The following GABRB1 variants were observed in gnomAD, a reference collection of about 807,000 sequenced individuals.
The protein encoded by GABRB1 is gamma-aminobutyric acid receptor subunit beta-1.
Under a neutral mutation model 51.6 loss-of-function variants are expected in GABRB1, and 17 were observed. The ratio of observed to expected loss-of-function variants is 0.33; its 90% CI spans 0.23 to 0.49. The LOEUF (loss-of-function observed/expected upper bound fraction) is 0.49. GABRB1 is among the 20% of genes least tolerant of loss of function. GABRB1 has a pLI of 0.99. For missense variants in GABRB1, 410 were observed against 600.6 expected, an observed-to-expected ratio of 0.68 and a Z score of 3.32; for synonymous variants, 247 against 218.9, an observed-to-expected ratio of 1.13 and a Z score of -1.14.
chr4:47,001,046 A>G (rs1193224798), intron 1 of GABRB1, among the ~76,000 whole-genome samples: 1 of 152,230 alleles, frequency 6.6e-6, no homozygotes, highest in Non-Finnish European at 1.5e-5. Flanking sequence ...AGCATTTTAT[A>G]AGAATGGTGT....
chr4:47,401,175 A>G (rs1728371501), intron 5 of GABRB1, among the ~76,000 whole-genome samples: 1 of 152,278 alleles, frequency 6.6e-6, no homozygotes, highest in East Asian at 1.9e-4. Flanking sequence ...AGTCTTTTAT[A>G]TATAATGACT....
At chr4:47,267,668 G>A (rs1052786343) in intron 4 of GABRB1, among the ~76,000 whole-genome samples, 11 of 151,996 alleles carry the variant, frequency 7.2e-5, no homozygotes, top group African/African-American at 9.7e-5. Flanking sequence ...GGTGGCAGGC[G>A]GCTGTAATCT....
intron 3 of GABRB1, among the ~76,000 whole-genome samples, chr4:47,063,602 T>C (rs546742070): frequency 6.6e-6 from 1 of 152,146 alleles, no homozygotes; most frequent in South Asian, 2.1e-4. Context: ...GAGAGCATGA[T>C]GAAGGTAGAA....
intron 5 of GABRB1, among the ~76,000 whole-genome samples, chr4:47,324,932 C>G (rs926285769): frequency 6.6e-6 from 1 of 152,324 alleles, no homozygotes; most frequent in African/African-American, 2.4e-5. Context: ...ATCATCTATT[C>G]TACTTGCAAA....
chr4:47,139,759 T>C (rs1356622850), intron 3 of GABRB1, among the ~76,000 whole-genome samples: 2 of 152,004 alleles, frequency 1.3e-5, no homozygotes, highest in Admixed American at 1.3e-4. Context: ...AATGTAAATA[T>C]GAATCAACTG....
intron 3 of GABRB1, among the ~76,000 whole-genome samples, chr4:47,156,403 G>T (rs1717700858): frequency 6.6e-6 from 1 of 151,848 alleles, no homozygotes; most frequent in African/African-American, 2.4e-5. Context: ...CTTTATTATG[G>T]GGGCCTGTGC....
At chr4:47,356,370 T>C (rs1000387181) in intron 5 of GABRB1, among the ~76,000 whole-genome samples, 1 of 152,214 alleles carries the variant, frequency 6.6e-6, no homozygotes, top group Non-Finnish European at 1.5e-5. Context: ...TATTTAGGGA[T>C]GTCAGTTTGC....
At chr4:47,212,671 A>G (rs1720409259) in intron 4 of GABRB1, among the ~76,000 whole-genome samples, 1 of 152,018 alleles carries the variant, frequency 6.6e-6, no homozygotes, top group African/African-American at 2.4e-5. Flanking sequence ...AGAGTGAGAC[A>G]CTGTCTCAAA....
chr4:47,152,645 CA>C (rs1717511467), intron 3 of GABRB1, among the ~76,000 whole-genome samples: 1 of 151,950 alleles, frequency 6.6e-6, no homozygotes, highest in African/African-American at 2.4e-5. Flanking sequence ...ACTTATTTGG[CA>C]CCTCTATGTG....
At chr4:47,078,788 C>T (rs749166135) in intron 3 of GABRB1, among the ~76,000 whole-genome samples, 66 of 152,130 alleles carry the variant, frequency 4.3e-4, no homozygotes, top group Non-Finnish European at 7.2e-4. Flanking sequence ...GGGCACTGCC[C>T]CTGGTTAAAG....
At chr4:47,304,229 T>C (rs956062082) in intron 4 of GABRB1, among the ~76,000 whole-genome samples, 7 of 152,008 alleles carry the variant, frequency 4.6e-5, no homozygotes, top group Non-Finnish European at 8.8e-5. Context: ...CCTGGTTCCA[T>C]AATGGTTGTA....
rs79558360 is a variant in GABRB1 at position 47,255,774 on chromosome 4, C to T, written c.462-64353C>T. ...ATATAAAGCCTGAGGATTTACCTTT[C>T]CAACAAACATTTCATAGTTGATTTG... On this transcript the variant is annotated intron_variant, in intron 4 of 8. Coordinates refer to ENST00000295454, the MANE Select transcript of GABRB1 (RefSeq NM_000812.4). 8.7e-3 allele frequency among the ~76,000 whole-genome samples: 1,325 copies of T among 152,308 alleles called. 16 individuals are homozygous for T. Among genetic ancestry groups the T allele is most frequent in the African/African-American group, 0.03 (1,258 of 41,556 alleles).
rs768285054 is a variant in GABRB1 at position 47,403,507 on chromosome 4, T to C, written c.682+52T>C. 8 of 1,613,378 alleles carry C rather than the reference T, an allele frequency of 5.0e-6. No homozygotes were observed. The Admixed American group carries it at 5.0e-5, about 10-fold the overall frequency. ...TAGGGGTGCTGTGAAAGGAAGAAGA[T>C]GGTTCCAACCAAATAATGGTCTGAT... On this transcript the variant is annotated intron_variant, in intron 6 of 8. Transcript: ENST00000295454.
At chr4:47,361,960 T>C (rs1726824159) in intron 5 of GABRB1, among the ~76,000 whole-genome samples, 1 of 151,602 alleles carries the variant, frequency 6.6e-6, no homozygotes, top group East Asian at 1.9e-4. Flanking sequence ...GCAGAGAGAG[T>C]TGTTAAAGCC....
chr4:47,194,897 G>C (rs1279806467), intron 4 of GABRB1, among the ~76,000 whole-genome samples: 1 of 152,150 alleles, frequency 6.6e-6, no homozygotes, highest in East Asian at 1.9e-4. Flanking sequence ...GGCTTATCTA[G>C]GCTTTAGGAG....
Position 47,292,024 on chromosome 4 carries a change from G to A in GABRB1, c.462-28103G>A, listed in dbSNP as rs540317780. Among the ~76,000 whole-genome samples, 10 of 152,292 alleles carry A rather than the reference G, an allele frequency of 6.6e-5. No individual in the cohort carries two copies. In the South Asian group the frequency reaches 2.1e-3, roughly 32 times the overall value. On this transcript the variant is annotated intron_variant, in intron 4 of 8. Coordinates refer to ENST00000295454, the MANE Select transcript of GABRB1 (RefSeq NM_000812.4). Reference sequence around the variant, plus strand: ...ACATGAGATTTGGGAGAGGCCAGGGGTGGAATGATAAGGTTTGGTTTTGTC... The same window carrying A: ...ACATGAGATTTGGGAGAGGCCAGGGATGGAATGATAAGGTTTGGTTTTGTC...
chr4:47,282,987 A>G (rs1313204282), intron 4 of GABRB1, among the ~76,000 whole-genome samples: 1 of 152,198 alleles, frequency 6.6e-6, no homozygotes, highest in Non-Finnish European at 1.5e-5. Context: ...CACTCTTTCA[A>G]GAAGGGAAGA....
intron 4 of GABRB1, among the ~76,000 whole-genome samples, chr4:47,294,674 G>T (rs879385792): frequency 6.6e-6 from 1 of 152,232 alleles, no homozygotes; most frequent in African/African-American, 2.4e-5. Flanking sequence ...ACCTCTGGGG[G>T]CAGGAAACAG....
chr4:47,287,215 A>G (rs1384924283), intron 4 of GABRB1, among the ~76,000 whole-genome samples: 1 of 152,232 alleles, frequency 6.6e-6, no homozygotes, highest in African/African-American at 2.4e-5. Context: ...GCACCCTATC[A>G]TAAATGTAGC....
Sources: allele counts gnomAD v4.1 joint callset (sites outside exome capture counted in the v4.1 genomes callset), GRCh38; gene constraint gnomAD v4.1.1; transcripts MANE v1.5; gene names NCBI Gene and HGNC (gene_info 2026-07-23, HGNC 2026-07-21).